ACSL4: variants seen among roughly 807,000 people sequenced by gnomAD.
The protein encoded by ACSL4 is long-chain-fatty-acid--CoA ligase 4.
ACSL4 carries 9 observed loss-of-function variants against 49.1 expected under a neutral mutation model. The ratio of observed to expected loss-of-function variants is 0.18; its 90% CI spans 0.11 to 0.32. ACSL4 has a LOEUF of 0.32. ACSL4 is among the 10% of genes least tolerant of loss of function. The pLI is 1.00. For missense variants in ACSL4, 333 were observed against 493.7 expected, an observed-to-expected ratio of 0.67 and a Z score of 3.08; for synonymous variants, 191 against 170.3, an observed-to-expected ratio of 1.12 and a Z score of -0.95.
rs1258545325 is a variant in ACSL4 at position 109,663,398 on chromosome X, A to G, written c.1395T>C (p.Gly465=). The G allele has an allele frequency of 1.2e-5, 14 of 1,204,197 alleles. No homozygotes were observed. The highest frequency in any genetic ancestry group is 1.6e-5 in the Non-Finnish European group (14 of 890,047). ...EIKLKDWQEG[G]YTINDKPNPR... ...GGTTTGGCTTGTCATTAATTGTATA[A>G]CCGCCTGGAAATCATAAAAGTAAAT... The change falls in exon 13 of 16, where the codon GGT becomes GGC. Residue 465 remains glycine, a synonymous_variant. Coordinates refer to ENST00000672401, the MANE Select transcript of ACSL4 (RefSeq NM_001318510.2).
chrX:109,646,303 T>A (rs1421378413), intron 15 of ACSL4, among the ~76,000 whole-genome samples: 1 of 111,724 alleles, frequency 9.0e-6, no homozygotes, highest in South Asian at 3.8e-4. Context: ...GGGAAGCCCA[T>A]CAGACTAACA....
intron 9 of ACSL4, among the ~76,000 whole-genome samples, chrX:109,672,801 C>G (rs1365238900): frequency 1.8e-5 from 2 of 110,172 alleles, no homozygotes; most frequent in Admixed American, 9.7e-5. Context: ...GATGAGGACT[C>G]TAGCCATGGG....
intron 1 of ACSL4, among the ~76,000 whole-genome samples, chrX:109,705,976 C>T (rs1926325896): frequency 8.9e-6 from 1 of 112,938 alleles, no homozygotes; most frequent in African/African-American, 3.2e-5. Context: ...GGATTACAGG[C>T]GTAAGCCATG....
chrX:109,703,848 G>A (rs987637488), intron 1 of ACSL4, among the ~76,000 whole-genome samples: 114 of 110,384 alleles, frequency 1.0e-3, no homozygotes, highest in Middle Eastern at 4.6e-3. Context: ...AGGAGAATTG[G>A]TTGAATCTGG....
intron 15 of ACSL4, among the ~76,000 whole-genome samples, chrX:109,644,898 C>G (rs1233143548): frequency 8.8e-6 from 1 of 113,121 alleles, no homozygotes; most frequent in African/African-American, 3.2e-5. Context: ...GTTCCCTTTC[C>G]TAGTCAAAGA....
intron 15 of ACSL4, among the ~76,000 whole-genome samples, chrX:109,646,106 T>C (rs1488006467): frequency 1.8e-5 from 2 of 111,882 alleles, no homozygotes; most frequent in African/African-American, 6.5e-5. Context: ...TGTAGAATAT[T>C]ATCCAGGAGA....
chrX:109,666,712 C>T (rs936703895), intron 11 of ACSL4, among the ~76,000 whole-genome samples: 3 of 111,608 alleles, frequency 2.7e-5, no homozygotes, highest in Non-Finnish European at 5.6e-5. Context: ...GTCAGGAGTT[C>T]GAGACCAGCC....
At chrX:109,665,008 T>A (rs1922514409) in intron 12 of ACSL4, among the ~76,000 whole-genome samples, 1 of 111,522 alleles carries the variant, frequency 9.0e-6, no homozygotes. Context: ...GAGTCTCAAC[T>A]ATGAAAATCT....
At position 109,674,391 on chromosome X, in the gene ACSL4, T is replaced by C. The variant is rs776789704; in HGVS notation, c.1002+11A>G. 2 of 1,177,179 alleles carry C rather than the reference T, an allele frequency of 1.7e-6. No individual in the cohort carries two copies. The highest frequency in any genetic ancestry group is 2.2e-5 in the Admixed American group (1 of 46,034). On this transcript the variant is annotated intron_variant, in intron 9 of 15. Coordinates refer to ENST00000672401, the MANE Select transcript of ACSL4 (RefSeq NM_001318510.2). ...AATCCTCTTATGTTCATATTCATAT[T>C]CTGTACTCACCGGAACAGCAGCCAT...
chrX:109,657,503 T>G (rs1270258378), intron 15 of ACSL4, among the ~76,000 whole-genome samples: 1 of 110,176 alleles, frequency 9.1e-6, no homozygotes. Flanking sequence ...TTGCTGAGAA[T>G]GATGGTTTCC....
At chrX:109,677,429 G>A (rs951667079) in intron 8 of ACSL4, among the ~76,000 whole-genome samples, 4 of 111,035 alleles carry the variant, frequency 3.6e-5, no homozygotes, top group Admixed American at 9.6e-5. Flanking sequence ...ATTCTCTATC[G>A]TAGTTCTCAA....
At chrX:109,701,455 G>A (rs1925923110) in intron 1 of ACSL4, among the ~76,000 whole-genome samples, 1 of 110,325 alleles carries the variant, frequency 9.1e-6, no homozygotes, top group South Asian at 3.9e-4. Context: ...GACCTCAAGT[G>A]AACCACCCAC....
At chrX:109,687,032 TC>T (rs917649072) in intron 2 of ACSL4, among the ~76,000 whole-genome samples, 4 of 111,909 alleles carry the variant, frequency 3.6e-5, no homozygotes, top group African/African-American at 1.3e-4. Context: ...AACTTCCAGT[TC>T]AGCTGAATAT....
intron 1 of ACSL4, among the ~76,000 whole-genome samples, chrX:109,709,054 T>C (rs1926564845): frequency 8.9e-6 from 1 of 111,899 alleles, no homozygotes; most frequent in African/African-American, 3.2e-5. Context: ...AAATGCCAGA[T>C]TATATCTGCA....
At chrX:109,651,456 G>A (rs903147546) in intron 15 of ACSL4, among the ~76,000 whole-genome samples, 14 of 111,444 alleles carry the variant, frequency 1.3e-4, no homozygotes, top group Non-Finnish European at 2.6e-4. Context: ...ATATAAAGTT[G>A]AGTATGAAAA....
chrX:109,677,532 A>T (rs1464994420), intron 8 of ACSL4, among the ~76,000 whole-genome samples: 2 of 110,936 alleles, frequency 1.8e-5, no homozygotes, highest in Non-Finnish European at 3.8e-5. Context: ...TAATCCCAGC[A>T]CTTTGGGAGG....
At chrX:109,714,151 T>C (rs963873749) in intron 1 of ACSL4, among the ~76,000 whole-genome samples, 6 of 111,937 alleles carry the variant, frequency 5.4e-5, no homozygotes, top group African/African-American at 9.7e-5. Context: ...CGGCTAATGT[T>C]TGTGATTGTG....
At position 109,656,805 on chromosome X, in the gene ACSL4, A is replaced by G. The variant is rs180713710; in HGVS notation, c.1855+2549T>C. On this transcript the variant is annotated intron_variant, in intron 15 of 15. Coordinates refer to ENST00000672401, the MANE Select transcript of ACSL4 (RefSeq NM_001318510.2). The stretch of plus-strand genomic sequence containing the variant: ...CCCTCGTTGGGAAAAAAGAAAAAAA[A>G]AAAGCCTACTATTGAACTTGAGCAT... 5.6e-4 allele frequency among the ~76,000 whole-genome samples: 62 copies of G among 111,429 alleles called. 2 individuals carry two copies. The highest frequency in any genetic ancestry group is 1.9e-3 in the African/African-American group (57 of 30,566).
chrX:109,650,083 T>G (rs1172602522), intron 15 of ACSL4, among the ~76,000 whole-genome samples: 1 of 111,799 alleles, frequency 8.9e-6, no homozygotes, highest in African/African-American at 3.3e-5. Context: ...TTGGTGGGAC[T>G]GTAAACTAGT....
Sources: allele counts gnomAD v4.1 joint callset (sites outside exome capture counted in the v4.1 genomes callset), GRCh38; gene constraint gnomAD v4.1.1; transcripts MANE v1.5; gene names NCBI Gene and HGNC (gene_info 2026-07-23, HGNC 2026-07-21).